Variants in POLK observed in about 807,000 individuals in gnomAD.
POLK encodes the protein polymerase (DNA directed) kappa.
Under a neutral mutation model 94.0 loss-of-function variants are expected in POLK, and 76 were observed. That is an observed-to-expected ratio of 0.81 (90% confidence interval 0.67 to 0.98). The LOEUF is 0.98. Ranked by LOEUF, POLK falls within the 50% of genes least tolerant of loss-of-function variation. The pLI, the probability that POLK is intolerant of heterozygous loss-of-function variation, is 0.00. For missense variants in POLK, 954 were observed against 1,010.1 expected, an observed-to-expected ratio of 0.94 and a Z score of 0.75; for synonymous variants, 349 against 325.4, an observed-to-expected ratio of 1.07 and a Z score of -0.78.
chr5:75,536,284 C>T (rs898720580), intron 1 of POLK, among the ~76,000 whole-genome samples: 2 of 152,108 alleles, frequency 1.3e-5, no homozygotes, highest in African/African-American at 4.8e-5. Flanking sequence ...ACAGGGCTTC[C>T]TCAGTCAGGT....
Position 75,573,091 on chromosome 5 carries a change from T to C in POLK, c.409-647T>C, listed in dbSNP as rs372726310. Among the ~76,000 whole-genome samples, 316 of 152,164 alleles carry C rather than the reference T, an allele frequency of 2.1e-3. 1 individual carries two copies. The East Asian group carries it at 0.027, about 13-fold the overall frequency. On this transcript the variant is annotated intron_variant, in intron 4 of 14. Transcript: ENST00000241436. The stretch of plus-strand genomic sequence containing the variant: ...ATGTTTATTGCGGCACTATTCACAA[T>C]AGCAAAGACTTGGAACCAACCCAAA...
In POLK at chr5:75,586,340, A is replaced by G. The variant is rs373049224; in HGVS notation, c.1227-686A>G. Among the ~76,000 whole-genome samples, 13 of 152,282 alleles carry G rather than the reference A, an allele frequency of 8.5e-5. No individual in the cohort carries two copies. In the South Asian group the frequency reaches 2.7e-3, roughly 32 times the overall value. On this transcript the variant is annotated intron_variant, in intron 9 of 14. Coordinates refer to ENST00000241436, the Ensembl canonical transcript of POLK. ...TTTGTTATCTGTCTTTCTCCAATAT[A>G]TAAGTTTTCTGAGGGCAAGTACTTG... is the stretch of plus-strand genomic sequence containing the variant.
intron 1 of POLK, among the ~76,000 whole-genome samples, chr5:75,526,528 A>G (rs1269244037): frequency 6.8e-6 from 1 of 147,178 alleles, no homozygotes; most frequent in Non-Finnish European, 1.5e-5. Context: ...TTTTAAGAGG[A>G]TGATTTAAAC....
intron 3 of POLK, among the ~76,000 whole-genome samples, chr5:75,562,333 A>C (rs1459568102): frequency 6.6e-6 from 1 of 152,094 alleles, no homozygotes; most frequent in Non-Finnish European, 1.5e-5. Context: ...TGTATAGGAA[A>C]GTTTGTGATT....
chr5:75,529,824 A>T (rs1448815094), intron 1 of POLK, among the ~76,000 whole-genome samples: 1 of 152,210 alleles, frequency 6.6e-6, no homozygotes, highest in Non-Finnish European at 1.5e-5. Flanking sequence ...TTTCACTTGT[A>T]TAAGTACATA....
chr5:75,526,578 T>TA (rs1768859414), intron 1 of POLK, among the ~76,000 whole-genome samples: 1 of 150,380 alleles, frequency 6.6e-6, no homozygotes, highest in Admixed American at 6.6e-5. Context: ...TTTTTTGTTT[T>TA]TTTTTTTTTC....
At chr5:75,573,775 G>A (rs867609417) in exon 5 of POLK, 17 of 1,612,554 alleles carry the variant, frequency 1.1e-5, no homozygotes, top group East Asian at 8.9e-5. Context: ...TTTGGTGTTC[G>A]TGCAGCCATG....
At chr5:75,511,721 A>T (rs1269027411), upstream of POLK, 102 of 1,546,402 alleles carry the variant, frequency 6.6e-5, no homozygotes, top group Non-Finnish European at 8.3e-5. Flanking sequence ...GTCTGACGCG[A>T]CACGCCGAGC....
intron 1 of POLK, among the ~76,000 whole-genome samples, chr5:75,533,849 A>G (rs1769307645): frequency 1.3e-5 from 2 of 152,080 alleles, no homozygotes; most frequent in Admixed American, 6.6e-5. Context: ...TTTTGTGGCT[A>G]TTGGGAATGG....
chr5:75,603,376 A>AT (rs1202850680), downstream of POLK, among the ~76,000 whole-genome samples: 3 of 151,380 alleles, frequency 2.0e-5, no homozygotes, highest in East Asian at 1.9e-4. Flanking sequence ...CATCTTATGC[A>AT]TTTTTTACAG....
At chr5:75,597,508 C>G in intron 13 of POLK, 1 of 410,630 alleles carries the variant, frequency 2.4e-6, no homozygotes, top group Non-Finnish European at 4.3e-6. Context: ...ACTAGAAAGC[C>G]TCTTTAACTT....
At chr5:75,543,348 T>C (rs543573293) in intron 1 of POLK, among the ~76,000 whole-genome samples, 3 of 152,296 alleles carry the variant, frequency 2.0e-5, no homozygotes, top group African/African-American at 7.2e-5. Flanking sequence ...CTGTGCCTTA[T>C]ATTTTTAACT....
chr5:75,523,224 G>A (rs1003136479), intron 1 of POLK, among the ~76,000 whole-genome samples: 2 of 152,114 alleles, frequency 1.3e-5, no homozygotes, highest in Non-Finnish European at 2.9e-5. Context: ...TATATATGAT[G>A]TATTTAGTAA....
At chr5:75,563,494 G>C (rs1365603191) in intron 3 of POLK, among the ~76,000 whole-genome samples, 3 of 152,108 alleles carry the variant, frequency 2.0e-5, no homozygotes, top group Non-Finnish European at 2.9e-5. Flanking sequence ...ATGTTAGGGT[G>C]TTGATTTTAG....
At chr5:75,531,570 G>A (rs1383953512) in intron 1 of POLK, among the ~76,000 whole-genome samples, 4 of 151,784 alleles carry the variant, frequency 2.6e-5, no homozygotes, top group African/African-American at 9.7e-5. Context: ...CAAGGCAGGT[G>A]GATCACGAGG....
chr5:75,601,786 A>G (rs1773302526), downstream of POLK, among the ~76,000 whole-genome samples: 1 of 152,118 alleles, frequency 6.6e-6, no homozygotes, highest in African/African-American at 2.4e-5. Flanking sequence ...TGGGACTCAG[A>G]CTGGCTTCCT....
At chr5:75,605,116 CAT>C (rs1289978232), downstream of POLK, among the ~76,000 whole-genome samples, 4 of 68,446 alleles carry the variant, frequency 5.8e-5, no homozygotes, top group South Asian at 1.2e-3. Context: ...CCTGTATACA[CAT>C]ACACACACAC....
intron 2 of POLK, among the ~76,000 whole-genome samples, chr5:75,548,562 GTAT>G (rs1220557936): frequency 1.3e-5 from 2 of 149,856 alleles, no homozygotes; most frequent in Non-Finnish European, 3.0e-5. Context: ...TTAGTATGTT[GTAT>G]TATATGTTAT....
chr5:75,511,127 G>A (rs1767962874), upstream of POLK: 1 of 1,595,260 alleles, frequency 6.3e-7, no homozygotes, highest in Non-Finnish European at 8.5e-7. Context: ...TGAGGACCCC[G>A]CAGCGCTCCA....
Sources: allele counts gnomAD v4.1 joint callset (sites outside exome capture counted in the v4.1 genomes callset), GRCh38; gene constraint gnomAD v4.1.1; transcripts MANE v1.5; gene names NCBI Gene and HGNC (gene_info 2026-07-23, HGNC 2026-07-21).